BMERB1: variants seen among roughly 807,000 people sequenced by gnomAD.
The protein encoded by BMERB1 is bMERB domain-containing protein 1.
A neutral mutation model predicts 23.6 loss-of-function variants in BMERB1; 12 were observed. That is an observed-to-expected ratio of 0.51 (90% CI 0.33 to 0.82). The LOEUF is 0.82. Among genes scored for constraint, BMERB1 ranks in the 40% least tolerant of loss-of-function variants. BMERB1 has a pLI of 0.03. For missense variants in BMERB1, 247 were observed against 255.4 expected (o/e 0.97, Z 0.22); for synonymous variants, 122 against 96.6 (o/e 1.26, Z -1.54).
intron 1 of BMERB1, among the ~76,000 whole-genome samples, chr16:15,468,577 A>G (rs1260342447): frequency 2.0e-5 from 3 of 152,144 alleles, no homozygotes; most frequent in African/African-American, 4.8e-5. Context: ...GTTAACTTTG[A>G]CATGCCCTTG....
At chr16:15,490,018 C>T (rs1382423715) in intron 1 of BMERB1, among the ~76,000 whole-genome samples, 1 of 152,058 alleles carries the variant, frequency 6.6e-6, no homozygotes, top group East Asian at 1.9e-4. Context: ...AGGCGCCCGC[C>T]CTCATCCGGC....
At chr16:15,557,313 G>T (rs1332796486) in intron 2 of BMERB1, among the ~76,000 whole-genome samples, 1 of 150,716 alleles carries the variant, frequency 6.6e-6, no homozygotes, top group Non-Finnish European at 1.5e-5. Flanking sequence ...TCCAGGTTCA[G>T]CCCTAATGGT....
At chr16:15,541,464 G>A (rs577612575) in intron 2 of BMERB1, among the ~76,000 whole-genome samples, 64 of 123,012 alleles carry the variant, frequency 5.2e-4, no homozygotes, top group African/African-American at 2.0e-3. Flanking sequence ...GTCTCACTCT[G>A]TCACCCAGGC....
chr16:15,522,892 A>G (rs965365002), intron 2 of BMERB1, among the ~76,000 whole-genome samples: 1 of 152,268 alleles, frequency 6.6e-6, no homozygotes, highest in Middle Eastern at 3.4e-3. Flanking sequence ...TTTGCTATCT[A>G]TAGGCGGCTT....
intron 2 of BMERB1, chr16:15,536,648 C>G (rs1383580496): frequency 6.6e-6 from 1 of 152,278 alleles, no homozygotes; most frequent in Non-Finnish European, 1.5e-5. Flanking sequence ...TCCCCCCATG[C>G]TTCCGCGTCT....
chr16:15,547,380 C>T (rs1254482085), intron 2 of BMERB1, among the ~76,000 whole-genome samples: 4 of 149,264 alleles, frequency 2.7e-5, no homozygotes, highest in African/African-American at 7.4e-5. Context: ...TTGCTCTTGT[C>T]GCCCAGGCTG....
intron 2 of BMERB1, among the ~76,000 whole-genome samples, chr16:15,549,744 CAG>C (rs1007756887): frequency 2.3e-4 from 35 of 151,670 alleles, no homozygotes; most frequent in African/African-American, 7.3e-4. Flanking sequence ...ATGAAACAAT[CAG>C]GGGACTTACC....
intron 2 of BMERB1, among the ~76,000 whole-genome samples, chr16:15,544,129 C>T (rs1374014364): frequency 6.6e-6 from 1 of 152,056 alleles, no homozygotes; most frequent in African/African-American, 2.4e-5. Context: ...GTTTTATTGC[C>T]CTTATAGCAT....
At chr16:15,564,387 A>G (rs898338413) in intron 2 of BMERB1, among the ~76,000 whole-genome samples, 1 of 152,196 alleles carries the variant, frequency 6.6e-6, no homozygotes, top group African/African-American at 2.4e-5. Flanking sequence ...AGGTAAACCC[A>G]TATTTCTGAG....
At chr16:15,475,476 C>T (rs531893752) in intron 1 of BMERB1, among the ~76,000 whole-genome samples, 5 of 152,234 alleles carry the variant, frequency 3.3e-5, no homozygotes, top group Non-Finnish European at 7.4e-5. Context: ...GGAAAGAGTT[C>T]AGATTAAAAT....
chr16:15,435,913 C>T (rs1355643647), intron 1 of BMERB1, among the ~76,000 whole-genome samples: 1 of 152,244 alleles, frequency 6.6e-6, no homozygotes, highest in African/African-American at 2.4e-5. Context: ...GCACTGCCAA[C>T]CTCTTTCCTT....
At chr16:15,510,744 C>T (rs1038906566) in intron 1 of BMERB1, among the ~76,000 whole-genome samples, 9 of 152,028 alleles carry the variant, frequency 5.9e-5, no homozygotes, top group Non-Finnish European at 1.3e-4. Context: ...CTCTGTCCCT[C>T]AGGCTGTAGT....
chr16:15,494,051 A>G (rs1392701974), intron 1 of BMERB1, among the ~76,000 whole-genome samples: 1 of 152,192 alleles, frequency 6.6e-6, no homozygotes, highest in Non-Finnish European at 1.5e-5. Context: ...GTTAAGATGC[A>G]TGAATCATAG....
intron 2 of BMERB1, among the ~76,000 whole-genome samples, chr16:15,523,580 G>T (rs2051877467): frequency 6.6e-6 from 1 of 152,090 alleles, no homozygotes; most frequent in South Asian, 2.1e-4. Context: ...CAAGCTGTGG[G>T]GTCTCTCAAC....
At chr16:15,534,286 CAAAAAAAAAAAAAAAA>C (rs1168488547) in intron 2 of BMERB1, among the ~76,000 whole-genome samples, 1 of 41,960 alleles carries the variant, frequency 2.4e-5, no homozygotes, top group Non-Finnish European at 3.7e-5. Flanking sequence ...TTTTTAATTG[CAAAAAAAAAAAAAAAA>C]AAAAAAAAAA....
intron 1 of BMERB1, among the ~76,000 whole-genome samples, chr16:15,465,843 T>C (rs2051176284): frequency 1.3e-5 from 2 of 152,242 alleles, no homozygotes; most frequent in Non-Finnish European, 2.9e-5. Context: ...TATCCTGTTA[T>C]ACATTTCCTT....
At chr16:15,495,971 CAAT>C (rs2051468059) in intron 1 of BMERB1, among the ~76,000 whole-genome samples, 1 of 144,144 alleles carries the variant, frequency 6.9e-6, no homozygotes, top group African/African-American at 2.9e-5. Flanking sequence ...GTGGTGGTGG[CAAT>C]GATGATGATA....
At chr16:15,559,310 G>T (rs891592261) in intron 2 of BMERB1, among the ~76,000 whole-genome samples, 1 of 152,196 alleles carries the variant, frequency 6.6e-6, no homozygotes, top group African/African-American at 2.4e-5. Flanking sequence ...TCAAGGCAGG[G>T]CAGGTTGCCT....
chr16:15,521,363 G>A (rs1312450760), intron 2 of BMERB1, among the ~76,000 whole-genome samples: 2 of 152,260 alleles, frequency 1.3e-5, no homozygotes, highest in East Asian at 3.9e-4. Flanking sequence ...AAAAGAACCC[G>A]GTTCCCGTAA....
Sources: allele counts gnomAD v4.1 joint callset (sites outside exome capture counted in the v4.1 genomes callset), GRCh38; gene constraint gnomAD v4.1.1; transcripts MANE v1.5; gene names NCBI Gene and HGNC (gene_info 2026-07-23, HGNC 2026-07-21).